The following CTNNA1 variants were observed in gnomAD, a reference collection of about 807,000 sequenced individuals.
CTNNA1 encodes catenin alpha 1, also known as catenin alpha-1.
Under a neutral mutation model 98.4 loss-of-function variants are expected in CTNNA1, and 37 were observed. That is an observed-to-expected ratio of 0.38 (90% CI 0.29 to 0.49). CTNNA1 has a LOEUF of 0.49. Among genes scored for constraint, CTNNA1 ranks in the 20% least tolerant of loss-of-function variants. The pLI is 0.95. For missense variants in CTNNA1, 761 were observed against 1,147.2 expected, an observed-to-expected ratio of 0.66 and a Z score of 4.86; for synonymous variants, 404 against 413.2, an observed-to-expected ratio of 0.98 and a Z score of 0.27.
At position 138,933,732 on chromosome 5, in the gene CTNNA1, C is replaced by T. The variant is rs907758830; in HGVS notation, c.2434-70C>T. 6 of 1,524,708 alleles carry T rather than the reference C, an allele frequency of 3.9e-6. No individual in the cohort carries two copies. The African/African-American group carries it at 5.5e-5, about 14-fold the overall frequency. The allele number at this position is 1,524,708 out of a possible 1,614,324, so 94.4% of individuals were successfully genotyped here. A position where few individuals can be genotyped will look rare whatever the true frequency, so the allele number is the denominator to read the frequency against. On this transcript the variant is annotated intron_variant, in intron 17 of 17. Coordinates refer to ENST00000302763, the MANE Select transcript of CTNNA1 (RefSeq NM_001903.5). Reference sequence around the variant, plus strand: ...GAGGAGTAGGGGGCTCCCCTTCAAGCACAGCCCACCTGTGTCCACGAGGCT... The same window carrying T: ...GAGGAGTAGGGGGCTCCCCTTCAAGTACAGCCCACCTGTGTCCACGAGGCT...
intron 11 of CTNNA1, among the ~76,000 whole-genome samples, chr5:138,921,429 C>CT (rs1762893865): frequency 6.6e-6 from 1 of 152,042 alleles, no homozygotes; most frequent in Admixed American, 6.6e-5. Flanking sequence ...GTAATTTGTA[C>CT]TTTCCTTCAT....
intron 7 of CTNNA1, among the ~76,000 whole-genome samples, chr5:138,834,364 T>C (rs1322629447): frequency 2.0e-5 from 3 of 152,360 alleles, no homozygotes; most frequent in South Asian, 4.1e-4. Flanking sequence ...TGTACACTTA[T>C]ATCTGTTCTT....
intron 7 of CTNNA1, among the ~76,000 whole-genome samples, chr5:138,878,016 C>T (rs1752040056): frequency 6.6e-6 from 1 of 152,198 alleles, no homozygotes; most frequent in African/African-American, 2.4e-5. Context: ...TGGCCTACCT[C>T]TTAAATACTA....
chr5:138,785,341 G>A (rs576156472), intron 3 of CTNNA1, among the ~76,000 whole-genome samples: 6 of 152,046 alleles, frequency 3.9e-5, no homozygotes, highest in East Asian at 1.9e-4. Flanking sequence ...GATTACAGGC[G>A]TGAGCCATCG....
intron 7 of CTNNA1, among the ~76,000 whole-genome samples, chr5:138,841,963 A>G (rs565183722): frequency 6.6e-6 from 1 of 152,196 alleles, no homozygotes; most frequent in Admixed American, 6.5e-5. Flanking sequence ...TACTGGTTTT[A>G]TAGATTCAAA....
At chr5:138,771,907 ATTAAG>A (rs1026288322) in intron 1 of CTNNA1, among the ~76,000 whole-genome samples, 1 of 151,920 alleles carries the variant, frequency 6.6e-6, no homozygotes, top group African/African-American at 2.4e-5. Context: ...CTAACATTTC[ATTAAG>A]TTAACTTTGC....
intron 1 of CTNNA1, among the ~76,000 whole-genome samples, chr5:138,768,203 TTA>T (rs1481750620): frequency 6.6e-6 from 1 of 152,198 alleles, no homozygotes; most frequent in Non-Finnish European, 1.5e-5. Context: ...TTTGTATAGT[TTA>T]GGCCAGTTTT....
intron 7 of CTNNA1, among the ~76,000 whole-genome samples, chr5:138,840,584 T>C (rs1231190606): frequency 6.6e-6 from 1 of 152,230 alleles, no homozygotes; most frequent in Non-Finnish European, 1.5e-5. Context: ...ATCGATTTAT[T>C]AAAAATATTG....
In CTNNA1 at chr5:138,874,550, T is replaced by A. The variant is rs1161903127; in HGVS notation, c.1063-11662T>A. The A allele has an allele frequency of 1.0e-5, 16 of 1,549,194 alleles. No homozygotes were observed. The highest frequency in any genetic ancestry group is 1.4e-5 in the Non-Finnish European group (16 of 1,139,676). On this transcript the variant is annotated intron_variant, in intron 7 of 17. Coordinates refer to ENST00000302763, the MANE Select transcript of CTNNA1 (RefSeq NM_001903.5). This position sits in a 1 kb window ranked among gnomAD's most constrained non-coding sequence, Gnocchi z 4.1. ...AGGGGCCCCTAATGGCCACTTGAAA[T>A]GTAAGCCTGCAGAATATAATTTAAG... is the stretch of plus-strand genomic sequence containing the variant.
At chr5:138,828,845 TGG>T (rs1394565966) in intron 7 of CTNNA1, among the ~76,000 whole-genome samples, 1 of 152,234 alleles carries the variant, frequency 6.6e-6, no homozygotes, top group East Asian at 1.9e-4. Context: ...CATTGCCCCC[TGG>T]GCATGATGGT....
At chr5:138,866,164 T>C (rs1764741399) in intron 7 of CTNNA1, among the ~76,000 whole-genome samples, 1 of 152,110 alleles carries the variant, frequency 6.6e-6, no homozygotes, top group South Asian at 2.1e-4. Flanking sequence ...ATGCAAAAAT[T>C]AGCCAGTCTC....
chr5:138,874,001 T>A lies in CTNNA1; in HGVS notation c.1063-12211T>A, dbSNP rs765777879. 1 of 1,613,918 alleles carries A rather than the reference T, an allele frequency of 6.2e-7. No homozygotes were observed. Among genetic ancestry groups the A allele is most frequent in the Non-Finnish European group, 8.5e-7 (1 of 1,179,882 alleles). Reference sequence around the variant, plus strand: ...ACTTCGCAAACGATTTGTGCTCAAATCCAGAAACTCCAGACTACGACAGTC... The same window carrying A: ...ACTTCGCAAACGATTTGTGCTCAAAACCAGAAACTCCAGACTACGACAGTC... On this transcript the variant is annotated intron_variant, in intron 7 of 17. Transcript: ENST00000302763. The surrounding 1 kb of genome is among the most constrained non-coding windows in gnomAD (Gnocchi z 4.1).
intron 7 of CTNNA1, chr5:138,869,658 A>C (rs2149913605): frequency 6.5e-6 from 1 of 152,736 alleles, no homozygotes; most frequent in South Asian, 2.1e-4. Context: ...ACCTAGTGCT[A>C]CATAGGGCTC....
At chr5:138,917,552 C>G (rs968644541) in intron 10 of CTNNA1, among the ~76,000 whole-genome samples, 190 bp from the exon 11 acceptor site, 9 of 152,224 alleles carry the variant, frequency 5.9e-5, no homozygotes, top group African/African-American at 1.9e-4. Context: ...TTATCATTGT[C>G]TATAGTTTGC....
At chr5:138,770,945 C>T (rs572386749) in intron 1 of CTNNA1, among the ~76,000 whole-genome samples, 68 of 113,116 alleles carry the variant, frequency 6.0e-4, no homozygotes, top group African/African-American at 1.8e-3. Context: ...AGCGAGACTC[C>T]GTCTCAAAAA....
chr5:138,926,519 C>T (rs369452956), intron 13 of CTNNA1, among the ~76,000 whole-genome samples: 3 of 149,872 alleles, frequency 2.0e-5, no homozygotes, highest in African/African-American at 7.3e-5. Context: ...TTGCCGATTT[C>T]GTTGAGGATA....
intron 10 of CTNNA1, among the ~76,000 whole-genome samples, chr5:138,909,151 G>C (rs1305479289): frequency 2.0e-5 from 3 of 152,020 alleles, no homozygotes; most frequent in Non-Finnish European, 2.9e-5. Flanking sequence ...GGGCATTTTG[G>C]AGATTATCTC....
chr5:138,875,617 T>C, intron 7 of CTNNA1: 1 of 985,352 alleles, frequency 1.0e-6, no homozygotes, highest in South Asian at 4.7e-5. Context: ...GTTAGCAGAG[T>C]GATGATTTTT....
At chr5:138,914,558 A>G (rs942526972) in intron 10 of CTNNA1, among the ~76,000 whole-genome samples, 6 of 152,066 alleles carry the variant, frequency 3.9e-5, no homozygotes, top group Admixed American at 1.3e-4. Context: ...CTGTGAATCT[A>G]TAATTGACAG....
Sources: gnomAD v4.1 joint callset for allele counts (sites outside exome capture counted in the v4.1 genomes callset) on GRCh38, gnomAD v4.1.1 for gene constraint, Gnocchi (gnomAD v3.1) non-coding constraint, MANE v1.5 for transcripts, NCBI Gene and HGNC (gene_info 2026-07-23, HGNC 2026-07-21) for gene names.